The following CADPS variants were observed in gnomAD, a reference collection of about 807,000 sequenced individuals.
CADPS encodes calcium-dependent secretion activator 1.
In CADPS, 57 loss-of-function variants were observed where a neutral mutation model predicts 167.3. The ratio of observed to expected loss-of-function variants is 0.34; its 90% CI spans 0.28 to 0.42. The LOEUF is 0.42. Ranked by LOEUF, CADPS falls within the 20% of genes least tolerant of loss-of-function variation. The pLI is 1.00. For synonymous variants in CADPS, 676 were observed against 635.3 expected (o/e 1.06, Z -0.96); for missense variants, 1,414 against 1,738.1 (o/e 0.81, Z 3.32).
chr3:62,794,793 A>AAAAAAAAAAAAAAAAAAAAAG (rs1553689817), intron 1 of CADPS, among the ~76,000 whole-genome samples: 8 of 136,690 alleles, frequency 5.9e-5, no homozygotes, highest in African/African-American at 2.4e-4. Context: ...AAAAAAAAAA[A>AAAAAAAAAAAAAAAAAAAAAG]AAAAAAAAAA....
chr3:62,811,590 C>T (rs2094397421), intron 1 of CADPS, among the ~76,000 whole-genome samples: 1 of 152,180 alleles, frequency 6.6e-6, no homozygotes, highest in Non-Finnish European at 1.5e-5. Context: ...TTAAGGCTTC[C>T]TAAGACCTTC....
At chr3:62,710,772 G>A (rs1564153418) in intron 3 of CADPS, among the ~76,000 whole-genome samples, 1 of 152,144 alleles carries the variant, frequency 6.6e-6, no homozygotes, top group African/African-American at 2.4e-5. Flanking sequence ...TCTTCATGAG[G>A]TGATAAAGAA....
intron 26 of CADPS, among the ~76,000 whole-genome samples, chr3:62,453,070 C>A (rs1237402422): frequency 1.3e-5 from 2 of 152,102 alleles, no homozygotes; most frequent in African/African-American, 2.4e-5. Flanking sequence ...GAGTTCGAAG[C>A]TGCGGTGAGC....
intron 6 of CADPS, among the ~76,000 whole-genome samples, chr3:62,594,118 A>G (rs1419906109): frequency 6.6e-6 from 1 of 150,726 alleles, no homozygotes; most frequent in East Asian, 1.9e-4. Context: ...AATGCTCATT[A>G]TGATTTTTTT....
In CADPS at chr3:62,843,492, G is replaced by GGGGTGTGTGT. The variant is rs535022785; in HGVS notation, c.441+31096_441+31097insACACACACCC. ...GTGATATATACAAGATGGCAGTTGG[G>GGGGTGTGTGT]GTGTGTGTGTGTGTGTGTGTGTGTG... is the stretch of plus-strand genomic sequence containing the variant. On this transcript the variant is annotated intron_variant, in intron 1 of 29. Coordinates refer to ENST00000383710, the MANE Select transcript of CADPS (RefSeq NM_003716.4). Among the ~76,000 whole-genome samples, 59 of 149,114 alleles carry GGGGTGTGTGT rather than the reference G, an allele frequency of 4.0e-4. No homozygotes were observed. The East Asian group carries it at 6.5e-3, about 16-fold the overall frequency.
intron 17 of CADPS, chr3:62,500,464 A>C (rs1352166141): frequency 1.3e-5 from 2 of 152,102 alleles, no homozygotes; most frequent in African/African-American, 4.8e-5. Context: ...CCAAAACATA[A>C]AGGTTTTCTT....
intron 13 of CADPS, among the ~76,000 whole-genome samples, chr3:62,529,850 C>T (rs1386761409): frequency 6.6e-6 from 1 of 152,112 alleles, no homozygotes; most frequent in Non-Finnish European, 1.5e-5. Context: ...TTGGCAATGC[C>T]AGGATCAGAG....
intron 4 of CADPS, among the ~76,000 whole-genome samples, chr3:62,656,294 G>A (rs1472498303): frequency 6.6e-6 from 1 of 152,102 alleles, no homozygotes; most frequent in African/African-American, 2.4e-5. Context: ...CACTTACTGA[G>A]TACTAACTAT....
intron 5 of CADPS, among the ~76,000 whole-genome samples, chr3:62,648,691 C>CACAAAAAAAAAAAAAAAAA: frequency 1.8e-5 from 1 of 54,526 alleles, no homozygotes; most frequent in Non-Finnish European, 3.7e-5. Context: ...GACGTTGTGT[C>CACAAAAAAAAAAAAAAAAA]AAAAAAAAAA....
chr3:62,478,614 C>G lies in CADPS; in HGVS notation c.3174-198G>C, dbSNP rs959402116. Among the ~76,000 whole-genome samples the G allele has an allele frequency of 6.6e-6, 1 of 152,112 alleles. No individual in the cohort carries two copies. The highest frequency in any genetic ancestry group is 2.4e-5 in the African/African-American group (1 of 41,426). ...CATACATGACTTAGTGTGCTTTGCT[C>G]AGCCAATTACCCCAGACCAGTGAGA... On this transcript the variant is annotated intron_variant, in intron 22 of 29. Transcript: ENST00000383710. This position sits in a 1 kb window ranked among gnomAD's most constrained non-coding sequence, Gnocchi z 5.7.
intron 3 of CADPS, among the ~76,000 whole-genome samples, chr3:62,706,257 A>G (rs1290548670): frequency 6.6e-6 from 1 of 152,080 alleles, no homozygotes; most frequent in African/African-American, 2.4e-5. Flanking sequence ...TGCCACCCCA[A>G]TATTATTCTC....
rs1188586868 is a variant in CADPS, at chr3:62,547,592, C to CA, written c.1966+2310_1966+2311insT. 5.8e-5 allele frequency among the ~76,000 whole-genome samples: 6 copies of CA among 103,300 alleles called. 1 individual carries two copies. The highest frequency in any genetic ancestry group is 9.2e-5 in the Admixed American group (1 of 10,898). The allele number at this position is 103,300 out of a possible 152,430, so 67.8% of individuals were successfully genotyped here. Reference sequence around the variant, plus strand: ...TAGGGATGATATCATTTACGCCCCCCCCCCCCCGCAAATTCTAACTCTTAG... The same window carrying CA: ...TAGGGATGATATCATTTACGCCCCCCACCCCCCCGCAAATTCTAACTCTTAG... On this transcript the variant is annotated intron_variant, in intron 11 of 29. Coordinates refer to ENST00000383710, the MANE Select transcript of CADPS (RefSeq NM_003716.4).
intron 17 of CADPS, among the ~76,000 whole-genome samples, chr3:62,511,718 A>T (rs2067870803): frequency 6.6e-6 from 1 of 152,022 alleles, no homozygotes; most frequent in African/African-American, 2.4e-5. Flanking sequence ...ACAATGCCCC[A>T]TCCCTTTTAC....
chr3:62,709,650 T>C (rs1406956829), intron 3 of CADPS, among the ~76,000 whole-genome samples: 1 of 152,110 alleles, frequency 6.6e-6, no homozygotes, highest in East Asian at 1.9e-4. Flanking sequence ...AGTCCAGACC[T>C]ATTGAATCAG....
At chr3:62,675,661 C>T (rs962201764) in intron 3 of CADPS, among the ~76,000 whole-genome samples, 4 of 152,044 alleles carry the variant, frequency 2.6e-5, no homozygotes, top group Admixed American at 1.3e-4. Context: ...TAAGATGGCC[C>T]TAGGGTCTCG....
intron 3 of CADPS, among the ~76,000 whole-genome samples, chr3:62,667,765 AT>A (rs1338717632): frequency 1.3e-5 from 2 of 150,692 alleles, no homozygotes; most frequent in Admixed American, 1.3e-4. Flanking sequence ...TGTGTGCTTC[AT>A]TTTTCTCACG....
intron 11 of CADPS, among the ~76,000 whole-genome samples, chr3:62,538,940 G>C (rs968892538): frequency 6.6e-6 from 1 of 152,138 alleles, no homozygotes; most frequent in Non-Finnish European, 1.5e-5. Context: ...AATGAATGCA[G>C]CTTTGTGGTG....
At chr3:62,545,493 A>T (rs2076315330) in intron 11 of CADPS, among the ~76,000 whole-genome samples, 1 of 152,198 alleles carries the variant, frequency 6.6e-6, no homozygotes, top group Non-Finnish European at 1.5e-5. Flanking sequence ...AAAAAAGAAA[A>T]AAATTAAATC....
At chr3:62,845,778 C>T (rs73844646) in intron 1 of CADPS, among the ~76,000 whole-genome samples, 3,812 of 152,086 alleles carry the variant, frequency 0.025, 160 homozygotes, top group African/African-American at 0.087. Flanking sequence ...GAACAATTTC[C>T]GATAGCCAAG....
Sources: gnomAD v4.1 joint callset for allele counts (sites outside exome capture counted in the v4.1 genomes callset) on GRCh38, gnomAD v4.1.1 for gene constraint, Gnocchi (gnomAD v3.1) non-coding constraint, MANE v1.5 for transcripts, NCBI Gene and HGNC (gene_info 2026-07-23, HGNC 2026-07-21) for gene names.